Variants in RIPOR2 observed in about 807,000 individuals in gnomAD.
RIPOR2 encodes the protein RHO family interacting cell polarization regulator 2.
Under a neutral mutation model 114.5 loss-of-function variants are expected in RIPOR2, and 39 were observed. The observed-to-expected ratio is 0.34, with a 90% CI of 0.26 to 0.44. The LOEUF (loss-of-function observed/expected upper bound fraction) is 0.44. Ranked by LOEUF, RIPOR2 falls within the 20% of genes least tolerant of loss-of-function variation. The probability of loss-of-function intolerance (pLI) is 1.00; values close to 1 mark genes in which losing one functional copy is unlikely to be tolerated. For missense variants in RIPOR2, 1,007 were observed against 1,255.1 expected (o/e 0.80, Z 2.99); for synonymous variants, 445 against 484.4 (o/e 0.92, Z 1.07).
chr6:24,921,850 G>A (rs1222581378), intron 1 of RIPOR2, among the ~76,000 whole-genome samples: 1 of 151,114 alleles, frequency 6.6e-6, no homozygotes, highest in Admixed American at 6.6e-5. Flanking sequence ...TAAAATTTGA[G>A]ACAGAGTCTC....
At chr6:24,986,285 G>T (rs765136379) in intron 1 of RIPOR2, among the ~76,000 whole-genome samples, 5 of 152,216 alleles carry the variant, frequency 3.3e-5, no homozygotes, top group Non-Finnish European at 7.3e-5. Flanking sequence ...AGGTCACACA[G>T]TTGGCAGAAC....
At chr6:24,993,372 A>T (rs931419344) in intron 1 of RIPOR2, among the ~76,000 whole-genome samples, 1 of 152,154 alleles carries the variant, frequency 6.6e-6, no homozygotes, top group Non-Finnish European at 1.5e-5. Context: ...TTGGTTTGAA[A>T]TATGTTTTGT....
intron 1 of RIPOR2, among the ~76,000 whole-genome samples, chr6:24,978,111 G>T (rs1774147626): frequency 6.6e-6 from 1 of 152,180 alleles, no homozygotes; most frequent in South Asian, 2.1e-4. Context: ...TTTAAAGTGA[G>T]AACTGCTTTA....
chr6:24,930,596 C>T (rs1273397434), intron 1 of RIPOR2, among the ~76,000 whole-genome samples: 2 of 152,196 alleles, frequency 1.3e-5, no homozygotes, highest in Admixed American at 6.5e-5. Flanking sequence ...GCTTCCTAGA[C>T]ATCTATGGGA....
chr6:24,893,525 T>C (rs1333439312), intron 1 of RIPOR2, among the ~76,000 whole-genome samples: 1 of 152,238 alleles, frequency 6.6e-6, no homozygotes, highest in Non-Finnish European at 1.5e-5. Context: ...ATGTGTCTAT[T>C]TTCTCTAGAA....
intron 1 of RIPOR2, among the ~76,000 whole-genome samples, chr6:24,945,574 A>C (rs947159037): frequency 6.6e-6 from 1 of 152,216 alleles, no homozygotes; most frequent in Admixed American, 6.5e-5. Context: ...ATAATATATA[A>C]AGGTGTAATT....
chr6:24,835,963 C>A, intron 14 of RIPOR2, 92 bp from the exon 15 acceptor site: 3 of 1,164,508 alleles, frequency 2.6e-6, no homozygotes, highest in South Asian at 2.9e-5. Context: ...CCAACAGCAC[C>A]CACTGAAAAC....
intron 1 of RIPOR2, among the ~76,000 whole-genome samples, chr6:24,979,754 G>T (rs1774217433): frequency 6.6e-6 from 1 of 152,140 alleles, no homozygotes; most frequent in South Asian, 2.1e-4. Context: ...GCAAGTTGGT[G>T]GTATAGCATG....
At chr6:24,828,412 C>A in intron 17 of RIPOR2, 117 bp from the exon 18 acceptor site, 1 of 973,928 alleles carries the variant, frequency 1.0e-6, no homozygotes, top group Non-Finnish European at 1.4e-6. Context: ...CTTTGTTGCC[C>A]AGGTTGGTCT....
chr6:24,860,994 C>T lies in RIPOR2; in HGVS notation c.694G>A (p.Glu232Lys), dbSNP rs1298994980. ...IEVELENLLG[E>K]FSIKMKGLAG... Reference sequence around the variant, plus strand: ...ATACCTTTCATCTTGATGGAGAATTCTCCCAGCAGATTCTCTAGCTCCACT... The same window carrying T: ...ATACCTTTCATCTTGATGGAGAATTTTCCCAGCAGATTCTCTAGCTCCACT... The change falls in exon 8 of 22, where the codon GAA (glutamate) becomes AAA (lysine). Residue 232 changes from glutamate (E) to lysine (K), a missense_variant. Glu to Lys is a moderately conservative substitution (Grantham distance 56). Transcript: ENST00000643898. The T allele has an allele frequency of 1.2e-6, 2 of 1,608,474 alleles. No individual in the cohort carries two copies. Among genetic ancestry groups the T allele is most frequent in the East Asian group, 2.2e-5 (1 of 44,816 alleles).
chr6:24,901,588 G>A (rs1378877133), intron 1 of RIPOR2, among the ~76,000 whole-genome samples: 2 of 152,134 alleles, frequency 1.3e-5, no homozygotes, highest in Non-Finnish European at 2.9e-5. Flanking sequence ...TGACCTTTAT[G>A]TCATTACAGG....
intron 12 of RIPOR2, among the ~76,000 whole-genome samples, chr6:24,846,181 G>T (rs74570698): frequency 0.022 from 3,285 of 152,010 alleles, 126 homozygotes; most frequent in African/African-American, 0.072. Context: ...TAACGGTTGC[G>T]TGTATAGCTG....
intron 1 of RIPOR2, among the ~76,000 whole-genome samples, chr6:24,877,733 T>A (rs1402865204): frequency 6.6e-6 from 1 of 152,184 alleles, no homozygotes; most frequent in African/African-American, 2.4e-5. Flanking sequence ...GGAGTAATGG[T>A]GAGACCACAC....
chr6:24,845,789 G>A (rs1188226507), intron 12 of RIPOR2, among the ~76,000 whole-genome samples: 1 of 152,162 alleles, frequency 6.6e-6, no homozygotes, highest in Non-Finnish European at 1.5e-5. Context: ...GCCTGTGAAA[G>A]AGCCAATCCT....
intron 1 of RIPOR2, among the ~76,000 whole-genome samples, chr6:24,878,754 GAACA>G (rs1243865948): frequency 6.6e-6 from 1 of 151,864 alleles, no homozygotes; most frequent in Non-Finnish European, 1.5e-5. Flanking sequence ...AGTTTTGATT[GAACA>G]ATCAGTTGCA....
intron 1 of RIPOR2, among the ~76,000 whole-genome samples, chr6:25,019,076 G>T (rs967743440): frequency 1.6e-4 from 25 of 152,148 alleles, no homozygotes; most frequent in African/African-American, 6.0e-4. Context: ...TATATATTTA[G>T]AATAACAAAA....
At position 24,968,229 on chromosome 6, in the gene RIPOR2, T is replaced by TA. The variant is rs773228594; in HGVS notation, c.76+73621dup. On this transcript the variant is annotated intron_variant, in intron 1 of 13. Transcript: ENST00000510784. The stretch of plus-strand genomic sequence containing the variant: ...CCAAGACACCAATCTTATATGCAGT[T>TA]AACTTTTATATGTTGCACTTTGACC... Among the ~76,000 whole-genome samples, 7 of 152,300 alleles carry TA rather than the reference T, an allele frequency of 4.6e-5. No homozygotes were observed. In the South Asian group the frequency reaches 1.0e-3, roughly 23 times the overall value.
chr6:24,841,921 A>G (rs1218066392), intron 13 of RIPOR2, among the ~76,000 whole-genome samples: 1 of 152,134 alleles, frequency 6.6e-6, no homozygotes, highest in Non-Finnish European at 1.5e-5. Flanking sequence ...CCCAGCCAGG[A>G]AAACAGTCTT....
intron 1 of RIPOR2, among the ~76,000 whole-genome samples, chr6:24,876,494 T>C (rs921619150): frequency 1.3e-5 from 2 of 152,084 alleles, no homozygotes; most frequent in Non-Finnish European, 2.9e-5. Context: ...AGATAAGTCA[T>C]GCGTCAAACT....
Sources: allele counts gnomAD v4.1 joint callset (sites outside exome capture counted in the v4.1 genomes callset), GRCh38; gene constraint gnomAD v4.1.1; transcripts MANE v1.5; gene names NCBI Gene and HGNC (gene_info 2026-07-23, HGNC 2026-07-21).